Variants in DHRS12 observed in about 807,000 individuals in gnomAD.
DHRS12 encodes the protein dehydrogenase/reductase 12.
Under a neutral mutation model 32.1 loss-of-function variants are expected in DHRS12, and 29 were observed. The observed-to-expected ratio is 0.90, with a 90% CI of 0.67 to 1.23. The LOEUF is 1.23. Among genes scored for constraint, DHRS12 ranks in the 50% most tolerant of loss-of-function variants. The pLI, the probability that DHRS12 is intolerant of heterozygous loss-of-function variation, is 0.00. For synonymous variants in DHRS12, 150 were observed against 135.9 expected (o/e 1.10, Z -0.72); for missense variants, 330 against 337.2 (o/e 0.98, Z 0.17).
the DHRS12 span, among the ~76,000 whole-genome samples, chr13:51,759,352 G>C: frequency 6.6e-6 from 1 of 152,038 alleles, no homozygotes; most frequent in East Asian, 1.9e-4. Context: ...TATTTGGAGG[G>C]TGGAACAAAT....
At chr13:51,763,214 G>A (rs1953644018), downstream of DHRS12, 1 of 152,298 alleles carries the variant, frequency 6.6e-6, no homozygotes, top group Middle Eastern at 3.4e-3. Flanking sequence ...TGAGTGGGAG[G>A]AGAGACTTTC....
intron 4 of DHRS12, among the ~76,000 whole-genome samples, chr13:51,786,039 C>T (rs1954938925): frequency 6.6e-6 from 1 of 152,210 alleles, no homozygotes; most frequent in Non-Finnish European, 1.5e-5. Context: ...CCTGGGGTCC[C>T]TGTGTCGAAC....
chr13:51,793,266 C>T (rs1955362647), intron 2 of DHRS12, among the ~76,000 whole-genome samples: 1 of 152,172 alleles, frequency 6.6e-6, no homozygotes, highest in Non-Finnish European at 1.5e-5. Context: ...CAACGGCATC[C>T]TCTCTGAGCA....
At chr13:51,802,178 C>G (rs1476162526) in intron 1 of DHRS12, among the ~76,000 whole-genome samples, 1 of 71,104 alleles carries the variant, frequency 1.4e-5, no homozygotes, top group African/African-American at 5.0e-5. Flanking sequence ...TTCACACACA[C>G]ACACACACAC....
At chr13:51,791,089 C>T in intron 3 of DHRS12, 76 bp downstream of exon 3, 2 of 982,338 alleles carry the variant, frequency 2.0e-6, no homozygotes, top group Non-Finnish European at 3.0e-6. Flanking sequence ...GGCAAACATA[C>T]ATATCCGTCC....
chr13:51,763,860 GT>G (rs1953665203), downstream of DHRS12: 2 of 152,148 alleles, frequency 1.3e-5, no homozygotes, highest in Admixed American at 1.3e-4. Flanking sequence ...CCAAATTTTT[GT>G]TTTTAAGCAA....
intron 1 of DHRS12, 129 bp downstream of exon 1, chr13:51,803,924 TC>T (rs1208785392): frequency 1.1e-6 from 1 of 875,902 alleles, no homozygotes; most frequent in Non-Finnish European, 1.5e-6. Context: ...CACCCGTCGT[TC>T]TGGACACGCT....
chr13:51,785,308 A>G (rs769538647), intron 4 of DHRS12, among the ~76,000 whole-genome samples: 3 of 152,128 alleles, frequency 2.0e-5, no homozygotes, highest in Admixed American at 2.0e-4. Context: ...TTAACATATT[A>G]AATTCAGGTG....
intron 4 of DHRS12, among the ~76,000 whole-genome samples, chr13:51,787,838 CATATAAT>C (rs1211273693): frequency 9.3e-6 from 1 of 108,042 alleles, no homozygotes; most frequent in African/African-American, 3.6e-5. Flanking sequence ...ATTATATAAA[CATATAAT>C]ATATAATTAT....
intron 7 of DHRS12, among the ~76,000 whole-genome samples, chr13:51,769,736 T>A (rs1197282327): frequency 3.3e-5 from 5 of 152,162 alleles, no homozygotes; most frequent in African/African-American, 1.2e-4. Context: ...CTGGACTGTT[T>A]TAGTGTTTTC....
At position 51,768,080 on chromosome 13, in the gene DHRS12, G is replaced by C. The variant is rs1255389830; in HGVS notation, c.*107C>G. The C allele has an allele frequency of 3.6e-5, 53 of 1,489,740 alleles. No homozygotes were observed. Among genetic ancestry groups the C allele is most frequent in the Non-Finnish European group, 4.5e-5 (51 of 1,124,222 alleles). 92.3% of individuals were successfully genotyped at this position (1,489,740 alleles called of 1,614,324 possible). ...TGTAGGCCTCGCTGTGAGGCACAAC[G>C]TCTTCGAGGGGAAGTTGAAGTGGGG... On this transcript the variant is annotated 3_prime_UTR_variant, in exon 9 of 9. Coordinates refer to ENST00000444610, the MANE Select transcript of DHRS12 (RefSeq NM_001377533.1).
chr13:51,797,964 C>T lies in DHRS12; in HGVS notation c.126+1570G>A. On this transcript the variant is annotated intron_variant, in intron 2 of 8. Coordinates refer to ENST00000444610, the MANE Select transcript of DHRS12 (RefSeq NM_001377533.1). ...TTACAGCGAGAGCTACAGAAACCAG[C>T]TCTTCCTAATGAAAAATGAAGACAT... 4 of 1,499,884 alleles carry T rather than the reference C, an allele frequency of 2.7e-6. No individual in the cohort carries two copies. In the Admixed American group the frequency reaches 7.9e-5, roughly 30 times the overall value. The allele number at this position is 1,499,884 out of a possible 1,614,324, so 92.9% of individuals were successfully genotyped here.
At chr13:51,771,795 C>G (rs760445377) in intron 7 of DHRS12, 26 bp downstream of exon 7, 47 of 1,612,514 alleles carry the variant, frequency 2.9e-5, no homozygotes, top group Non-Finnish European at 4.0e-5. Context: ...ACGTAAGTGG[C>G]TCAGCAATTA....
Position 51,768,082 on chromosome 13 carries a change from C to T in DHRS12, c.*105G>A. 5.4e-6 allele frequency: 8 copies of T among 1,492,500 alleles called. No individual in the cohort carries two copies. In the South Asian group the frequency reaches 9.2e-5, roughly 17 times the overall value. The allele number at this position is 1,492,500 out of a possible 1,614,324, so 92.5% of individuals were successfully genotyped here. On this transcript the variant is annotated 3_prime_UTR_variant, in exon 9 of 9. Transcript: ENST00000444610. ...TAGGCCTCGCTGTGAGGCACAACGT[C>T]TTCGAGGGGAAGTTGAAGTGGGGTC...
chr13:51,788,545 G>A (rs1037227098), intron 4 of DHRS12, among the ~76,000 whole-genome samples: 4 of 151,996 alleles, frequency 2.6e-5, no homozygotes, highest in Admixed American at 1.3e-4. Context: ...GATGGAGCAC[G>A]TTTCCACAGT....
intron 1 of DHRS12, among the ~76,000 whole-genome samples, chr13:51,803,121 CAG>C: frequency 6.6e-6 from 1 of 152,340 alleles, no homozygotes; most frequent in Non-Finnish European, 1.5e-5. Context: ...GCTCCTGAGA[CAG>C]AGCTGAACCT....
At chr13:51,804,024 G>C in intron 1 of DHRS12, 30 bp downstream of exon 1, 1 of 1,460,792 alleles carries the variant, frequency 6.8e-7, no homozygotes, top group Non-Finnish European at 9.0e-7. Context: ...GTGACAGCCC[G>C]GGGCCCCGCG....
intron 6 of DHRS12, among the ~76,000 whole-genome samples, chr13:51,772,220 A>G (rs1954059819): frequency 2.6e-5 from 4 of 152,136 alleles, no homozygotes. Flanking sequence ...TTCCTCGTCC[A>G]CAAGTCGCCT....
At chr13:51,770,919 C>T in intron 7 of DHRS12, 1 of 1,236,106 alleles carries the variant, frequency 8.1e-7, no homozygotes, top group South Asian at 2.1e-5. Flanking sequence ...CTACCACCAG[C>T]ACTGTGATAA....
Sources: allele counts gnomAD v4.1 joint callset (sites outside exome capture counted in the v4.1 genomes callset), GRCh38; gene constraint gnomAD v4.1.1; transcripts MANE v1.5; gene names NCBI Gene and HGNC (gene_info 2026-07-23, HGNC 2026-07-21).